Variants in SHANK2 observed in about 807,000 individuals in gnomAD.
SHANK2 encodes SH3 and multiple ankyrin repeat domains 2, also known as SH3 and multiple ankyrin repeat domains protein 2.
SHANK2 carries 43 observed loss-of-function variants against 133.7 expected under a neutral mutation model. That is an observed-to-expected ratio of 0.32 (90% CI 0.25 to 0.41). The LOEUF is 0.41. SHANK2 is among the 10% of genes least tolerant of loss of function. The pLI is 1.00. For synonymous variants in SHANK2, 1,017 were observed against 952.8 expected (o/e 1.07, Z -1.24); for missense variants, 1,994 against 2,235.8 (o/e 0.89, Z 2.18).
rs1005403434 is a variant in SHANK2, at chr11:70,726,989, C to T, written c.1778-28226G>A. Among the ~76,000 whole-genome samples the T allele has an allele frequency of 3.9e-5, 6 of 152,236 alleles. No homozygotes were observed. In the South Asian group the frequency reaches 8.3e-4, roughly 21 times the overall value. On this transcript the variant is annotated intron_variant, in intron 14 of 25. Coordinates refer to ENST00000601538, the MANE Select transcript of SHANK2 (RefSeq NM_012309.5). ...CACTACAGACACAAATGGAAATCTA[C>T]CTGGGAACAGAAGACCCTCCCTGCA...
intron 12 of SHANK2, among the ~76,000 whole-genome samples, chr11:70,818,023 C>T (rs1948435227): frequency 6.6e-6 from 1 of 152,220 alleles, no homozygotes; most frequent in Non-Finnish European, 1.5e-5. Context: ...GTGTGAGCTA[C>T]CGCACCTGGT....
chr11:70,638,381 C>T (rs1261366470), intron 17 of SHANK2, among the ~76,000 whole-genome samples: 5 of 152,230 alleles, frequency 3.3e-5, no homozygotes, highest in African/African-American at 7.2e-5. Flanking sequence ...CCTGCATCCA[C>T]GCCCGGCCCC....
At chr11:70,616,332 C>T (rs1449656890) in intron 17 of SHANK2, among the ~76,000 whole-genome samples, 1 of 152,088 alleles carries the variant, frequency 6.6e-6, no homozygotes, top group Non-Finnish European at 1.5e-5. Flanking sequence ...GCTGTCGGAA[C>T]TGGCTCCAGG....
intron 2 of SHANK2, among the ~76,000 whole-genome samples, chr11:71,177,056 G>A (rs1274210000): frequency 1.3e-5 from 2 of 152,194 alleles, no homozygotes; most frequent in South Asian, 2.1e-4. Flanking sequence ...GCAGACAGTG[G>A]ACTGGCATCT....
intron 14 of SHANK2, among the ~76,000 whole-genome samples, chr11:70,714,739 C>T (rs1486056195): frequency 2.0e-5 from 3 of 152,170 alleles, no homozygotes; most frequent in Non-Finnish European, 4.4e-5. Flanking sequence ...CCTCTGGCTA[C>T]ATCCTCCCTA....
chr11:70,842,039 GTC>G (rs1174790346), intron 11 of SHANK2, among the ~76,000 whole-genome samples: 4 of 152,056 alleles, frequency 2.6e-5, no homozygotes, highest in African/African-American at 9.7e-5. Flanking sequence ...AAGAGACCTT[GTC>G]TCTCTCTACT....
At chr11:70,906,233 C>T (rs1391416360) in intron 10 of SHANK2, among the ~76,000 whole-genome samples, 4 of 152,220 alleles carry the variant, frequency 2.6e-5, no homozygotes, top group African/African-American at 9.6e-5. Context: ...CTGCTCAGGG[C>T]TGGGACATGG....
intron 11 of SHANK2, among the ~76,000 whole-genome samples, chr11:70,884,366 G>A (rs138415264): frequency 3.2e-4 from 49 of 152,322 alleles, no homozygotes; most frequent in African/African-American, 9.6e-4. Context: ...AACCTCCTGC[G>A]TGTTACTTAG....
At chr11:71,080,574 T>C (rs1185731116) in intron 8 of SHANK2, among the ~76,000 whole-genome samples, 8 of 152,140 alleles carry the variant, frequency 5.3e-5, no homozygotes, top group African/African-American at 1.9e-4. Context: ...CTATCACTTC[T>C]GCTTGGCTCT....
intron 17 of SHANK2, among the ~76,000 whole-genome samples, chr11:70,609,200 G>C (rs1323886775): frequency 3.3e-5 from 5 of 152,234 alleles, no homozygotes; most frequent in Middle Eastern, 3.2e-3. Flanking sequence ...GCAAGGCTCC[G>C]GGACGGCCCA....
At chr11:70,621,479 G>A (rs2060828212) in intron 17 of SHANK2, among the ~76,000 whole-genome samples, 1 of 152,216 alleles carries the variant, frequency 6.6e-6, no homozygotes, top group African/African-American at 2.4e-5. Flanking sequence ...ACTGCCAGAT[G>A]CACACCAAAG....
chr11:70,845,773 C>T (rs2135448313), intron 11 of SHANK2, among the ~76,000 whole-genome samples: 2 of 152,244 alleles, frequency 1.3e-5, no homozygotes, highest in South Asian at 4.2e-4. Context: ...AAATAAGCAG[C>T]ACAGAACAAA....
At chr11:70,653,529 C>T (rs1490658242) in intron 17 of SHANK2, among the ~76,000 whole-genome samples, 9 of 148,064 alleles carry the variant, frequency 6.1e-5, no homozygotes, top group Admixed American at 1.4e-4. Flanking sequence ...TGCAACCTCC[C>T]GCTCCCGGGT....
chr11:71,182,926 G>A (rs564993170), intron 2 of SHANK2, among the ~76,000 whole-genome samples: 2 of 152,264 alleles, frequency 1.3e-5, no homozygotes, highest in African/African-American at 4.8e-5. Context: ...TCACAGTGTG[G>A]GAATCAGGGC....
chr11:71,113,503 CT>C (rs1414379037), intron 4 of SHANK2, 139 bp from the exon 5 acceptor site: 4 of 725,710 alleles, frequency 5.5e-6, no homozygotes, highest in Middle Eastern at 2.3e-4. Flanking sequence ...AAATAAATGA[CT>C]GGTATTTGCA....
intron 11 of SHANK2, among the ~76,000 whole-genome samples, chr11:70,867,326 G>A (rs1295418984): frequency 3.3e-5 from 5 of 152,234 alleles, no homozygotes; most frequent in African/African-American, 1.2e-4. Flanking sequence ...AATGAGGAGA[G>A]TGCACACGTC....
In SHANK2 at chr11:70,569,560, C is replaced by T. The variant is rs1304680077; in HGVS notation, c.2062-66629G>A. 6.6e-6 allele frequency among the ~76,000 whole-genome samples: 1 copy of T among 152,180 alleles called. No homozygotes were observed. The highest frequency in any genetic ancestry group is 1.5e-5 in the Non-Finnish European group (1 of 68,026). ...TCTTACCTCTGCTGGTGCCGCAGCC[C>T]TCTCCTTTCTGTGGCCCCTCCCCAC... On this transcript the variant is annotated intron_variant, in intron 17 of 25. Coordinates refer to ENST00000601538, the MANE Select transcript of SHANK2 (RefSeq NM_012309.5). This position sits in a 1 kb window ranked among gnomAD's most constrained non-coding sequence, Gnocchi z 5.1.
intron 2 of SHANK2, among the ~76,000 whole-genome samples, chr11:71,147,699 C>A (rs782266659): frequency 6.6e-6 from 1 of 152,216 alleles, no homozygotes; most frequent in African/African-American, 2.4e-5. Flanking sequence ...CTGGGGCTGT[C>A]TGAGCTACCC....
At position 70,718,826 on chromosome 11, in the gene SHANK2, G is replaced by A. The variant is rs556816948; in HGVS notation, c.1778-20063C>T. On this transcript the variant is annotated intron_variant, in intron 14 of 25. Transcript: ENST00000601538. ...TTAGAAGGGGTTGGGGATACTCAAT[G>A]GATGTCCTTCATCCCCCTGGAGAGG... Among the ~76,000 whole-genome samples, 10 of 151,926 alleles carry A rather than the reference G, an allele frequency of 6.6e-5. 1 individual carries two copies. The East Asian group carries it at 1.4e-3, about 21-fold the overall frequency.
Sources: gnomAD v4.1 joint callset for allele counts (sites outside exome capture counted in the v4.1 genomes callset) on GRCh38, gnomAD v4.1.1 for gene constraint, Gnocchi (gnomAD v3.1) non-coding constraint, MANE v1.5 for transcripts, NCBI Gene and HGNC (gene_info 2026-07-23, HGNC 2026-07-21) for gene names.